Variants in SORCS3 observed in about 807,000 individuals in gnomAD.
SORCS3 encodes VPS10 domain-containing receptor SorCS3.
SORCS3 carries 57 observed loss-of-function variants against 146.3 expected under a neutral mutation model. That is an observed-to-expected ratio of 0.39 (90% CI 0.31 to 0.49). The LOEUF (loss-of-function observed/expected upper bound fraction) is 0.49. Among genes scored for constraint, SORCS3 ranks in the 20% least tolerant of loss-of-function variants. The pLI is 0.92. For missense variants in SORCS3, 1,341 were observed against 1,575.5 expected (o/e 0.85, Z 2.52); for synonymous variants, 653 against 618.5 (o/e 1.06, Z -0.83).
intron 20 of SORCS3, among the ~76,000 whole-genome samples, chr10:105,237,787 T>A (rs2056801119): frequency 6.6e-6 from 1 of 152,218 alleles, no homozygotes; most frequent in Admixed American, 6.5e-5. Context: ...GATTTTATTG[T>A]TATCAGAACA....
intron 4 of SORCS3, among the ~76,000 whole-genome samples, chr10:104,979,102 T>C (rs2054918524): frequency 1.3e-5 from 2 of 152,224 alleles, no homozygotes; most frequent in Admixed American, 1.3e-4. Flanking sequence ...CCTTTTGATG[T>C]TCTTTTTCGT....
At chr10:105,119,061 T>C (rs561802388) in intron 7 of SORCS3, among the ~76,000 whole-genome samples, 2 of 152,162 alleles carry the variant, frequency 1.3e-5, no homozygotes, top group Non-Finnish European at 2.9e-5. Context: ...TCCCGAGGTC[T>C]AGGAGGAAAA....
chr10:104,742,269 T>C (rs1397065209), intron 1 of SORCS3, among the ~76,000 whole-genome samples: 1 of 152,176 alleles, frequency 6.6e-6, no homozygotes, highest in Non-Finnish European at 1.5e-5. Context: ...TTTTTGTTCA[T>C]CTCCTTAGCA....
chr10:104,742,608 G>A (rs1407504972), intron 1 of SORCS3, among the ~76,000 whole-genome samples: 2 of 152,182 alleles, frequency 1.3e-5, no homozygotes, highest in African/African-American at 4.8e-5. Flanking sequence ...AACAACATTG[G>A]GCTGCAGACC....
chr10:105,061,426 C>G (rs1344435892), intron 5 of SORCS3, among the ~76,000 whole-genome samples: 2 of 151,492 alleles, frequency 1.3e-5, no homozygotes, highest in African/African-American at 4.9e-5. Flanking sequence ...TCCCAAGTAG[C>G]TGAGACTACA....
intron 22 of SORCS3, among the ~76,000 whole-genome samples, chr10:105,248,401 A>C (rs2056879677): frequency 6.6e-6 from 1 of 152,212 alleles, no homozygotes; most frequent in East Asian, 1.9e-4. Context: ...ATGTCAGTTA[A>C]CAGGGGCAGG....
chr10:105,258,125 G>A (rs12761696), intron 25 of SORCS3, among the ~76,000 whole-genome samples: 1,573 of 152,136 alleles, frequency 0.01, 12 homozygotes, highest in Non-Finnish European at 0.017. Flanking sequence ...GTTTAATTCA[G>A]TATACCTCTC....
intron 23 of SORCS3, among the ~76,000 whole-genome samples, chr10:105,255,144 G>A (rs1004801276): frequency 2.2e-5 from 3 of 138,774 alleles, no homozygotes; most frequent in South Asian, 2.3e-4. Flanking sequence ...AGCCGAGATC[G>A]CGCCACTGCA....
intron 1 of SORCS3, chr10:104,822,031 G>T: frequency 2.0e-6 from 1 of 508,782 alleles, no homozygotes; most frequent in Non-Finnish European, 3.9e-6. Flanking sequence ...TCAGCCTACT[G>T]CAAGGTCCAC....
At chr10:104,792,788 A>T (rs1044497462) in intron 1 of SORCS3, among the ~76,000 whole-genome samples, 1 of 152,066 alleles carries the variant, frequency 6.6e-6, no homozygotes, top group African/African-American at 2.4e-5. Flanking sequence ...TTGTATATCA[A>T]ACTTATTTTT....
chr10:104,744,019 C>T (rs192492286), intron 1 of SORCS3, among the ~76,000 whole-genome samples: 2 of 152,272 alleles, frequency 1.3e-5, no homozygotes, highest in East Asian at 1.9e-4. Flanking sequence ...AGTTCATCAC[C>T]TCATTTGATC....
intron 1 of SORCS3, among the ~76,000 whole-genome samples, chr10:104,671,706 A>T (rs576156656): frequency 6.6e-6 from 1 of 152,014 alleles, no homozygotes; most frequent in South Asian, 2.1e-4. Context: ...GATTTTGTCA[A>T]ATGCTTTTTC....
At chr10:104,811,078 C>A (rs183180961) in intron 1 of SORCS3, among the ~76,000 whole-genome samples, 132 of 152,248 alleles carry the variant, frequency 8.7e-4, no homozygotes, top group Non-Finnish European at 1.7e-3. Context: ...AGAGATAAGA[C>A]ATGCACGTAA....
intron 3 of SORCS3, among the ~76,000 whole-genome samples, chr10:104,971,187 G>A (rs542767879): frequency 1.9e-4 from 29 of 152,328 alleles, no homozygotes; most frequent in Admixed American, 1.2e-3. Context: ...TTAAGTGAGA[G>A]AATGTCAGAA....
At chr10:105,134,349 G>A (rs374488941) in intron 7 of SORCS3, among the ~76,000 whole-genome samples, 69 of 152,128 alleles carry the variant, frequency 4.5e-4, no homozygotes, top group Non-Finnish European at 8.4e-4. Flanking sequence ...TTATGTATCC[G>A]CTGGTCATCT....
intron 1 of SORCS3, among the ~76,000 whole-genome samples, chr10:104,782,471 G>C (rs1431724645): frequency 6.6e-6 from 1 of 152,220 alleles, no homozygotes; most frequent in Non-Finnish European, 1.5e-5. Flanking sequence ...CTGCTAGCAA[G>C]ATGTGCAATA....
At chr10:104,846,406 C>A (rs899502579) in intron 2 of SORCS3, among the ~76,000 whole-genome samples, 2 of 152,074 alleles carry the variant, frequency 1.3e-5, no homozygotes, top group East Asian at 3.9e-4. Flanking sequence ...AAACATGCAC[C>A]CTTTCAGCTT....
intron 1 of SORCS3, among the ~76,000 whole-genome samples, chr10:104,787,182 G>A (rs776691880): frequency 5.9e-5 from 9 of 152,136 alleles, no homozygotes; most frequent in African/African-American, 1.4e-4. Flanking sequence ...GATCTGTTTC[G>A]CCAAAGGAGG....
intron 1 of SORCS3, among the ~76,000 whole-genome samples, chr10:104,768,229 G>T (rs2017204871): frequency 6.6e-6 from 1 of 152,180 alleles, no homozygotes; most frequent in African/African-American, 2.4e-5. Flanking sequence ...CCATGAATCT[G>T]CACTGTTCTG....
Sources: allele counts gnomAD v4.1 joint callset (sites outside exome capture counted in the v4.1 genomes callset), GRCh38; gene constraint gnomAD v4.1.1; transcripts MANE v1.5; gene names NCBI Gene and HGNC (gene_info 2026-07-23, HGNC 2026-07-21).